SCNM1: variants seen among roughly 807,000 people sequenced by gnomAD.
SCNM1 encodes sodium channel modifier 1.
In SCNM1, 24 loss-of-function variants were observed where a neutral mutation model predicts 32.8. That is an observed-to-expected ratio of 0.73 (90% CI 0.53 to 1.03). SCNM1 has a LOEUF of 1.03. SCNM1 is among the 50% of genes least tolerant of loss of function. The pLI is 0.00. For missense variants in SCNM1, 274 were observed against 282.3 expected, an observed-to-expected ratio of 0.97 and a Z score of 0.21; for synonymous variants, 99 against 103.2, an observed-to-expected ratio of 0.96 and a Z score of 0.25.
chr1:151,166,976 C>G lies in SCNM1; in HGVS notation c.165C>G (p.Thr55=), dbSNP rs201123938. The G allele has an allele frequency of 1.2e-4, 186 of 1,614,028 alleles. No individual in the cohort carries two copies. The South Asian group carries it at 1.9e-3, about 17-fold the overall frequency. The change falls in exon 3 of 7, where the codon ACC becomes ACG. Residue 55 remains threonine, a synonymous_variant. Coordinates refer to ENST00000368905, the MANE Select transcript of SCNM1 (RefSeq NM_024041.4). The part of the protein sequence containing the change: ...AICPHRPVLD[T]LAMLTAHRAG... ...GCCCCCATCGACCGGTACTGGACAC[C>G]CTGGCCATGCTGACTGCCCACCGTG...
intron 1 of SCNM1, 104 bp downstream of exon 1, chr1:151,166,307 G>A (rs1013095207): frequency 2.6e-6 from 4 of 1,541,544 alleles, no homozygotes; most frequent in African/African-American, 2.8e-5. Context: ...GTGCAGGAGA[G>A]AACCAGGCGA....
rs776056942 is a variant in SCNM1, at chr1:151,168,251, AG to A, written c.508del (p.Ala170ProfsTer13). 7.4e-6 allele frequency: 12 copies of A among 1,614,102 alleles called. No homozygotes were observed. In the African/African-American group the frequency reaches 1.6e-4, roughly 22 times the overall value. ...SREPEPAAGPQAEESATVSAP... is the reference protein window; with the variant it reads ...SREPEPAAGPXAEESATVSAP... ...GAACCTGAACCTGCGGCTGGCCCAC[AG>A]GCCGAGGAGTCAGCAACTGTCTCAG... On this transcript the variant is annotated frameshift_variant, in exon 6 of 7. Transcript: ENST00000368905. LOFTEE classifies it high-confidence loss of function.
intron 5 of SCNM1, 44 bp downstream of exon 5, chr1:151,167,458 C>G (rs1381737900): frequency 6.2e-7 from 1 of 1,608,640 alleles, no homozygotes; most frequent in Non-Finnish European, 8.5e-7. Flanking sequence ...CAGAAGGAGA[C>G]AGATGGCTCT....
In SCNM1 at chr1:151,169,185, G is replaced by A. The variant is rs1383455245; in HGVS notation, c.*100G>A. 9.0e-6 allele frequency: 12 copies of A among 1,340,236 alleles called. No individual in the cohort carries two copies. Among genetic ancestry groups the A allele is most frequent in the African/African-American group, 2.9e-5 (2 of 68,002 alleles). The allele number at this position is 1,340,236 out of a possible 1,614,324, so 83.0% of individuals were successfully genotyped here. The stretch of plus-strand genomic sequence containing the variant: ...TGTTGGATCTCAGGATTTCAGATCT[G>A]TTCATTCTCATTCCAACTACTCCTT... On this transcript the variant is annotated 3_prime_UTR_variant, in exon 7 of 7. Transcript: ENST00000368905.
At chr1:151,167,438 T>C (rs749385918) in intron 5 of SCNM1, 24 bp downstream of exon 5, 2 of 1,613,808 alleles carry the variant, frequency 1.2e-6, no homozygotes, top group South Asian at 1.1e-5. Flanking sequence ...AAGCCAGAGG[T>C]AGGAAGGCTC....
chr1:151,166,165 A>G lies in SCNM1; in HGVS notation c.13A>G (p.Arg5Gly), dbSNP rs587672161. Residue 5 changes from arginine (R) to glycine (G), a missense_variant, in exon 1 of 7, where the codon AGG (arginine) becomes GGG (glycine). Coordinates refer to ENST00000368905, the MANE Select transcript of SCNM1 (RefSeq NM_024041.4). ...ACTCACAGTCGTGATGTCTTTCAAG[A>G]GGGAAGGAGACGATTGGAGTCAACT... is the stretch of plus-strand genomic sequence containing the variant. MSFKREGDDWSQLNV... is the reference protein window; with the variant it reads MSFKGEGDDWSQLNV... 2 of 1,606,710 alleles carry G rather than the reference A, an allele frequency of 1.2e-6. No individual in the cohort carries two copies. Among genetic ancestry groups the G allele is most frequent in the African/African-American group, 1.3e-5 (1 of 74,986 alleles).
Position 151,169,457 on chromosome 1 carries a change from G to T in SCNM1, c.*372G>T. 1 of 178,544 alleles carries T rather than the reference G, an allele frequency of 5.6e-6. No homozygotes were observed. Among genetic ancestry groups the T allele is most frequent in the East Asian group, 1.5e-4 (1 of 6,884 alleles). The allele number at this position is 178,544 out of a possible 1,614,324, so 11.1% of individuals were successfully genotyped here. A position where few individuals can be genotyped will look rare whatever the true frequency, so the allele number is the denominator to read the frequency against. The stretch of plus-strand genomic sequence containing the variant: ...GACGGGGTTTCACTGTGTTAGCCAG[G>T]ATGGTCTCGATCTCCTGACCTCGTG... On this transcript the variant is annotated 3_prime_UTR_variant, in exon 7 of 7. Transcript: ENST00000368905.
intron 4 of SCNM1, 31 bp downstream of exon 4, chr1:151,167,249 C>A (rs921997222): frequency 5.6e-6 from 9 of 1,614,012 alleles, no homozygotes; most frequent in Non-Finnish European, 5.9e-6. Flanking sequence ...GTGTTCTAGG[C>A]AAGACCCTGC....
intron 6 of SCNM1, among the ~76,000 whole-genome samples, 196 bp from the exon 7 acceptor site, chr1:151,168,790 C>CTTT (rs147127258): frequency 2.5e-5 from 1 of 40,376 alleles, no homozygotes; most frequent in African/African-American, 1.1e-4. Flanking sequence ...TCACTGCTAA[C>CTTT]TTTTTTTTTT....
Position 151,167,128 on chromosome 1 carries a change from G to A in SCNM1, c.219G>A (p.Gln73=), listed in dbSNP as rs1335436621. 2 of 1,614,090 alleles carry A rather than the reference G, an allele frequency of 1.2e-6. No homozygotes were observed. Among genetic ancestry groups the A allele is most frequent in the African/African-American group, 2.7e-5 (2 of 74,926 alleles). The change falls in exon 4 of 7, where the codon CAG becomes CAA. Residue 73 remains glutamine, a synonymous_variant. Transcript: ENST00000368905. The part of the protein sequence containing the change: ...RAGKKHLSSL[Q]LFYGKKQPGK... ...GTTTCCCTTTCTCCTCAGGCTTGCA[G>A]CTTTTCTATGGCAAGAAGCAGCCGG...
chr1:151,167,001 G>A lies in SCNM1; in HGVS notation c.190G>A (p.Ala64Thr), dbSNP rs760632839. Reference sequence around the variant, plus strand: ...CCTGGCCATGCTGACTGCCCACCGTGCAGGCAAGAAACATCTGTCCAGTAA... The same window carrying A: ...CCTGGCCATGCTGACTGCCCACCGTACAGGCAAGAAACATCTGTCCAGTAA... Reference protein sequence around the residue: ...DTLAMLTAHRAGKKHLSSLQL... With the variant: ...DTLAMLTAHRTGKKHLSSLQL... The change falls in exon 3 of 7, where the codon GCA (alanine) becomes ACA (threonine). Residue 64 changes from alanine to threonine, a missense_variant. Ala to Thr is a moderately conservative substitution (Grantham distance 58, BLOSUM62 0). Coordinates refer to ENST00000368905, the MANE Select transcript of SCNM1 (RefSeq NM_024041.4). 10 of 1,614,050 alleles carry A rather than the reference G, an allele frequency of 6.2e-6. No homozygotes were observed. Among genetic ancestry groups the A allele is most frequent in the Non-Finnish European group, 7.6e-6 (9 of 1,180,054 alleles).
rs747816307 is a variant in SCNM1 at position 151,170,086 on chromosome 1, T to C, written c.*1001T>C. On this transcript the variant is annotated 3_prime_UTR_variant, in exon 7 of 7. Coordinates refer to ENST00000368905, the MANE Select transcript of SCNM1 (RefSeq NM_024041.4). Reference sequence around the variant, plus strand: ...TGGTAAAGGGAAATGCAGTGTTATCTCTTCTTTTGCTGGCGACCTGTAAAG... The same window carrying C: ...TGGTAAAGGGAAATGCAGTGTTATCCCTTCTTTTGCTGGCGACCTGTAAAG... 1 of 1,614,224 alleles carries C rather than the reference T, an allele frequency of 6.2e-7. No homozygotes were observed. The highest frequency in any genetic ancestry group is 8.5e-7 in the Non-Finnish European group (1 of 1,180,030).
intron 1 of SCNM1, 76 bp downstream of exon 1, chr1:151,166,279 T>G: frequency 6.4e-7 from 1 of 1,552,188 alleles, no homozygotes; most frequent in Non-Finnish European, 8.7e-7. Flanking sequence ...GTTTCATTGC[T>G]CTGGCAACAA....
At chr1:151,166,618 A>G (rs1233026487) in intron 2 of SCNM1, 77 bp downstream of exon 2, 41 of 1,541,854 alleles carry the variant, frequency 2.7e-5, no homozygotes, top group African/African-American at 7.0e-5. Context: ...TTTTCCTTTG[A>G]GACGGAGGTC....
chr1:151,166,250 A>G, intron 1 of SCNM1, 47 bp downstream of exon 1: 1 of 1,563,582 alleles, frequency 6.4e-7, no homozygotes, highest in Non-Finnish European at 8.7e-7. Flanking sequence ...TCGCTCCCTG[A>G]AGGTTGGGAA....
rs5777765 is a variant in SCNM1, at chr1:151,169,240, CTTTTT to C, written c.*173_*177del. 0.011 allele frequency: 3,052 copies of C among 281,162 alleles called. 1 individual carries two copies. The highest frequency in any genetic ancestry group is 0.02 in the Middle Eastern group (16 of 784). The allele number at this position is 281,162 out of a possible 1,614,324, so 17.4% of individuals were successfully genotyped here. On this transcript the variant is annotated 3_prime_UTR_variant, in exon 7 of 7. Coordinates refer to ENST00000368905, the MANE Select transcript of SCNM1 (RefSeq NM_024041.4). ...GCAAGGTACACAGCTCTCCACACTC[CTTTTT>C]TTTTTTTTTTTTTTTTTGAGGCAGA...
At chr1:151,167,463 G>A (rs1683760536) in intron 5 of SCNM1, 49 bp downstream of exon 5, 1 of 1,605,370 alleles carries the variant, frequency 6.2e-7, no homozygotes, top group Non-Finnish European at 8.5e-7. Flanking sequence ...GGAGACAGAT[G>A]GCTCTAAAAG....
intron 5 of SCNM1, 50 bp downstream of exon 5, chr1:151,167,464 G>A: frequency 1.2e-6 from 2 of 1,605,398 alleles, no homozygotes; most frequent in South Asian, 2.2e-5. Flanking sequence ...GAGACAGATG[G>A]CTCTAAAAGA....
Position 151,168,313 on chromosome 1 carries a change from C to G in SCNM1, c.568C>G (p.Leu190Val). ...CATGAGCCCCACAAGAAGACGAGCC[C>G]TGGACCATTATCTCACCCTTCGAAG... ...APMSPTRRRA[L>V]DHYLTLRSSG... is the part of the protein sequence containing the mutation. Residue 190 changes from leucine to valine, a missense_variant, in exon 6 of 7, where the codon CTG (leucine) becomes GTG (valine). Physicochemically the swap from Leu to Val is conservative, Grantham distance 32. Coordinates refer to ENST00000368905, the MANE Select transcript of SCNM1 (RefSeq NM_024041.4). 2.5e-6 allele frequency: 4 copies of G among 1,612,094 alleles called. No homozygotes were observed. The highest frequency in any genetic ancestry group is 3.4e-6 in the Non-Finnish European group (4 of 1,179,020).
Sources: allele counts gnomAD v4.1 joint callset (sites outside exome capture counted in the v4.1 genomes callset), GRCh38; gene constraint gnomAD v4.1.1; transcripts MANE v1.5; gene names NCBI Gene and HGNC (gene_info 2026-07-23, HGNC 2026-07-21).